CACNA2D4: variants seen among roughly 807,000 people sequenced by gnomAD.
CACNA2D4 encodes calcium voltage-gated channel auxiliary subunit alpha2delta 4.
In CACNA2D4, 157 loss-of-function variants were observed where a neutral mutation model predicts 163.8. The ratio of observed to expected loss-of-function variants is 0.96; its 90% CI spans 0.84 to 1.09. The LOEUF is 1.09. Ranked by LOEUF, CACNA2D4 falls within the 50% of genes least tolerant of loss-of-function variation. CACNA2D4 has a pLI of 0.00. For missense variants in CACNA2D4, 1,410 were observed against 1,479.9 expected (o/e 0.95, Z 0.78); for synonymous variants, 598 against 586.9 (o/e 1.02, Z -0.27).
chr12:1,871,615 GTGTGTGCA>G lies in CACNA2D4; in HGVS notation c.1878+2981_1878+2988del, dbSNP rs545477383. 7.2e-4 allele frequency among the ~76,000 whole-genome samples: 109 copies of G among 151,140 alleles called. 2 individuals are homozygous for G. The South Asian group carries it at 0.023, about 31-fold the overall frequency. On this transcript the variant is annotated intron_variant, in intron 18 of 37. Coordinates refer to ENST00000382722, the MANE Select transcript of CACNA2D4 (RefSeq NM_172364.5). ...ATGTGTGTACACATGTATGCCGCTC[GTGTGTGCA>G]TGTGTACACGCGTGTTACTGGTGTG...
At chr12:1,795,135 T>C (rs988533850) in intron 37 of CACNA2D4, 164 bp downstream of exon 37, 1 of 614,218 alleles carries the variant, frequency 1.6e-6, no homozygotes, top group African/African-American at 1.8e-5. Flanking sequence ...TCTTATTATA[T>C]CACAGTGTCA....
chr12:1,846,513 A>G (rs1865146529), intron 24 of CACNA2D4, 81 bp downstream of exon 24: 1 of 1,163,084 alleles, frequency 8.6e-7, no homozygotes, highest in Non-Finnish European at 1.2e-6. Flanking sequence ...CAGTCCACCC[A>G]TGGCCCAGGA....
chr12:1,795,507 C>T, intron 36 of CACNA2D4, 126 bp from the exon 37 acceptor site: 1 of 1,004,586 alleles, frequency 1.0e-6, no homozygotes, highest in Non-Finnish European at 1.5e-6. Flanking sequence ...GGTCAGGAGG[C>T]AGCACCGGGG....
At chr12:1,894,869 A>G (rs1192464872) in intron 6 of CACNA2D4, among the ~76,000 whole-genome samples, 1 of 152,216 alleles carries the variant, frequency 6.6e-6, no homozygotes, top group Admixed American at 6.5e-5. Flanking sequence ...TCAACATAGT[A>G]TTCTAAGTCC....
At chr12:1,810,855 GC>G (rs1863682636) in intron 27 of CACNA2D4, among the ~76,000 whole-genome samples, 1 of 152,198 alleles carries the variant, frequency 6.6e-6, no homozygotes, top group Non-Finnish European at 1.5e-5. Context: ...GTGTGTGTTA[GC>G]ATTGTGTGCG....
chr12:1,890,238 T>A (rs1294147502), intron 6 of CACNA2D4, among the ~76,000 whole-genome samples: 1 of 152,094 alleles, frequency 6.6e-6, no homozygotes, highest in Non-Finnish European at 1.5e-5. Context: ...CTGGATCTCA[T>A]ACACCCCCAG....
rs548869032 is a variant in CACNA2D4, at chr12:1,793,937, C to T, written c.3310-178G>A. Among the ~76,000 whole-genome samples, 6 of 152,312 alleles carry T rather than the reference C, an allele frequency of 3.9e-5. No individual in the cohort carries two copies. The South Asian group carries it at 1.0e-3, about 26-fold the overall frequency. On this transcript the variant is annotated intron_variant, in intron 37 of 37. Transcript: ENST00000382722. ...TTTGGGGGAAAAGCAAAGGCTGGCCCCTCAGCCTGGGAGGGGGGCACCGGC... is the reference window on the plus strand; with the variant it reads ...TTTGGGGGAAAAGCAAAGGCTGGCCTCTCAGCCTGGGAGGGGGGCACCGGC...
At chr12:1,909,839 G>A (rs1321351281) in intron 4 of CACNA2D4, 67 bp downstream of exon 4, 17 of 1,419,582 alleles carry the variant, frequency 1.2e-5, no homozygotes, top group South Asian at 8.2e-5. Flanking sequence ...ACCCTATGCC[G>A]CCACCCCCAT....
chr12:1,827,696 A>G (rs545304219), intron 26 of CACNA2D4: 2 of 156,304 alleles, frequency 1.3e-5, no homozygotes, highest in East Asian at 1.9e-4. Context: ...CACCTCGGAG[A>G]GATGACCTCA....
chr12:1,813,925 G>T (rs1290657157), intron 26 of CACNA2D4, among the ~76,000 whole-genome samples: 1 of 152,140 alleles, frequency 6.6e-6, no homozygotes, highest in Non-Finnish European at 1.5e-5. Context: ...CCCCTCTAAG[G>T]TTGCGGGGAC....
intron 22 of CACNA2D4, 146 bp downstream of exon 22, chr12:1,855,866 A>G (rs114552293): frequency 1.9e-5 from 12 of 636,630 alleles, no homozygotes; most frequent in African/African-American, 3.7e-5. Context: ...TTCTTTGGGA[A>G]TCTCCCTGTT....
chr12:1,909,340 T>C (rs369340999), intron 4 of CACNA2D4, among the ~76,000 whole-genome samples: 209 of 152,298 alleles, frequency 1.4e-3, no homozygotes, highest in African/African-American at 4.3e-3. Context: ...TACAAGCGCC[T>C]GCCACTACGC....
intron 23 of CACNA2D4, among the ~76,000 whole-genome samples, chr12:1,850,731 CG>C (rs1865258077): frequency 6.6e-6 from 1 of 151,966 alleles, no homozygotes; most frequent in Admixed American, 6.6e-5. Context: ...GGTGAAACCC[CG>C]TCTCTACTAA....
intron 25 of CACNA2D4, among the ~76,000 whole-genome samples, chr12:1,842,378 C>T (rs892380152): frequency 5.9e-5 from 9 of 152,196 alleles, no homozygotes; most frequent in Admixed American, 3.9e-4. Context: ...GAGAGACAGG[C>T]GAGCTTCCCC....
intron 26 of CACNA2D4, among the ~76,000 whole-genome samples, chr12:1,822,759 G>T (rs2154446484): frequency 6.6e-6 from 1 of 152,212 alleles, no homozygotes; most frequent in East Asian, 1.9e-4. Context: ...GTGTGATGGG[G>T]GTGATGGGCA....
chr12:1,808,180 G>A (rs1168431615), intron 29 of CACNA2D4, among the ~76,000 whole-genome samples: 1 of 152,048 alleles, frequency 6.6e-6, no homozygotes, highest in Non-Finnish European at 1.5e-5. Flanking sequence ...GAGAGGCCAC[G>A]TGCTCTCCAG....
chr12:1,813,817 G>A (rs1274519387), intron 26 of CACNA2D4, among the ~76,000 whole-genome samples: 1 of 152,164 alleles, frequency 6.6e-6, no homozygotes, highest in African/African-American at 2.4e-5. Context: ...CCCATTTGCT[G>A]GCTCATGACA....
chr12:1,905,642 C>A (rs2154451794), intron 6 of CACNA2D4, among the ~76,000 whole-genome samples: 1 of 152,170 alleles, frequency 6.6e-6, no homozygotes, highest in East Asian at 1.9e-4. Context: ...TTAACTTAAC[C>A]AATGAGGTGA....
intron 18 of CACNA2D4, among the ~76,000 whole-genome samples, chr12:1,867,593 T>C (rs1305081725): frequency 3.3e-5 from 5 of 152,200 alleles, no homozygotes; most frequent in Non-Finnish European, 7.3e-5. Context: ...TAATACCTTC[T>C]GCATAGCAAA....
Sources: allele counts gnomAD v4.1 joint callset (sites outside exome capture counted in the v4.1 genomes callset), GRCh38; gene constraint gnomAD v4.1.1; transcripts MANE v1.5; gene names NCBI Gene and HGNC (gene_info 2026-07-23, HGNC 2026-07-21).